The following BRAF variants were observed in gnomAD, a reference collection of about 807,000 sequenced individuals.
BRAF encodes B-Raf proto-oncogene, serine/threonine kinase.
A neutral mutation model predicts 104.6 loss-of-function variants in BRAF; 16 were observed. The observed-to-expected ratio is 0.15, with a 90% CI of 0.10 to 0.23. The LOEUF is 0.23. Ranked by LOEUF, BRAF falls within the 10% of genes least tolerant of loss-of-function variation. BRAF has a pLI of 1.00. For synonymous variants in BRAF, 310 were observed against 341.6 expected, an observed-to-expected ratio of 0.91 and a Z score of 1.02; for missense variants, 541 against 937.3, an observed-to-expected ratio of 0.58 and a Z score of 5.52.
chr7:140,884,679 C>A (rs1395063917), intron 1 of BRAF, among the ~76,000 whole-genome samples: 1 of 151,800 alleles, frequency 6.6e-6, no homozygotes, highest in Admixed American at 6.6e-5. Flanking sequence ...TAGGGTCTTG[C>A]TATGTTGGAT....
intron 14 of BRAF, among the ~76,000 whole-genome samples, chr7:140,764,965 A>G (rs578216760): frequency 6.7e-4 from 102 of 152,316 alleles, no homozygotes; most frequent in African/African-American, 2.4e-3. Flanking sequence ...GTTCATATGG[A>G]ACCAAAAAAG....
Position 140,726,466 on chromosome 7 carries a change from A to T in BRAF, c.*28T>A. ...ATTGTACGAACACAAGACTTAAGAAATAAGAGCAGATGCTGCCATGATGGT... is the reference window on the plus strand; with the variant it reads ...ATTGTACGAACACAAGACTTAAGAATTAAGAGCAGATGCTGCCATGATGGT... On this transcript the variant is annotated 3_prime_UTR_variant, in exon 20 of 20. Coordinates refer to ENST00000644969, the MANE Select transcript of BRAF (RefSeq NM_001374258.1). 1 of 1,536,328 alleles carries T rather than the reference A, an allele frequency of 6.5e-7. No individual in the cohort carries two copies. Among genetic ancestry groups the T allele is most frequent in the Non-Finnish European group, 8.7e-7 (1 of 1,146,950 alleles).
At chr7:140,762,318 A>G (rs1032553931) in intron 14 of BRAF, among the ~76,000 whole-genome samples, 2 of 152,230 alleles carry the variant, frequency 1.3e-5, no homozygotes, top group African/African-American at 4.8e-5. Context: ...GAAGGCAGAA[A>G]TAAAGATGTT....
Position 140,924,421 on chromosome 7 carries a change from G to T in BRAF, c.138+145C>A. Reference sequence around the variant, plus strand: ...CTGCATGACGGAGAGGGACACGGGGGCGATGCCCACCTCCCAGCCCGCGGA... The same window carrying T: ...CTGCATGACGGAGAGGGACACGGGGTCGATGCCCACCTCCCAGCCCGCGGA... On this transcript the variant is annotated intron_variant, in intron 1 of 19. Transcript: ENST00000644969. The surrounding 1 kb of genome is among the most constrained non-coding windows in gnomAD (Gnocchi z 4.2). 1.6e-6 allele frequency: 2 copies of T among 1,212,278 alleles called. No homozygotes were observed. The highest frequency in any genetic ancestry group is 2.3e-6 in the Non-Finnish European group (2 of 866,314). 75.1% of individuals were successfully genotyped at this position (1,212,278 alleles called of 1,614,324 possible). A position where few individuals can be genotyped will look rare whatever the true frequency, so the allele number is the denominator to read the frequency against.
intron 1 of BRAF, among the ~76,000 whole-genome samples, chr7:140,923,214 G>A (rs1267347487): frequency 6.6e-6 from 1 of 151,950 alleles, no homozygotes; most frequent in East Asian, 1.9e-4. Context: ...ATTGCAGAGA[G>A]AATGAGATGT....
chr7:140,825,201 C>T (rs1330964113), intron 3 of BRAF, among the ~76,000 whole-genome samples: 2 of 151,980 alleles, frequency 1.3e-5, no homozygotes, highest in African/African-American at 4.8e-5. Flanking sequence ...AACTCCCGAC[C>T]TCATGATCCA....
At position 140,736,874 on chromosome 7, in the gene BRAF, A is replaced by AACC. The variant is rs907655179; in HGVS notation, c.2248-2107_2248-2105dup. Among the ~76,000 whole-genome samples the AACC allele has an allele frequency of 4.7e-4, 72 of 151,782 alleles. 1 individual carries two copies. Among genetic ancestry groups the AACC allele is most frequent in the African/African-American group, 1.1e-3 (45 of 41,450 alleles). On this transcript the variant is annotated intron_variant, in intron 18 of 19. Coordinates refer to ENST00000644969, the MANE Select transcript of BRAF (RefSeq NM_001374258.1). The stretch of plus-strand genomic sequence containing the variant: ...CAACATAGTGAGAATCTATCTCTAC[A>AACC]ACCACCACCACCACCACCACAAGAA...
chr7:140,720,063 C>G lies in BRAF; in HGVS notation c.*6431G>C, dbSNP rs1322752593. 1.4e-5 allele frequency: 15 copies of G among 1,060,784 alleles called. No individual in the cohort carries two copies. In the East Asian group the frequency reaches 6.7e-4, roughly 47 times the overall value. 65.7% of individuals were successfully genotyped at this position (1,060,784 alleles called of 1,614,324 possible). A position where few individuals can be genotyped will look rare whatever the true frequency, so the allele number is the denominator to read the frequency against. On this transcript the variant is annotated 3_prime_UTR_variant, in exon 20 of 20. Coordinates refer to ENST00000644969, the MANE Select transcript of BRAF (RefSeq NM_001374258.1). ...AAGGGGGGATTTCCTTTTTCTTGGT[C>G]TAAACCAAAGAGCAATGACAACTAC...
chr7:140,804,781 T>G (rs1315374432), intron 5 of BRAF, among the ~76,000 whole-genome samples: 4 of 152,140 alleles, frequency 2.6e-5, no homozygotes, highest in Admixed American at 1.3e-4. Flanking sequence ...TTAAATAGAT[T>G]TCAACATCAA....
chr7:140,750,690 T>C (rs1797716762), intron 16 of BRAF, among the ~76,000 whole-genome samples: 1 of 152,234 alleles, frequency 6.6e-6, no homozygotes, highest in Admixed American at 6.5e-5. Flanking sequence ...AACTGTGATG[T>C]AATAAGCAAG....
At chr7:140,796,367 C>T (rs1359014313) in intron 7 of BRAF, among the ~76,000 whole-genome samples, 3 of 147,248 alleles carry the variant, frequency 2.0e-5, no homozygotes, top group Non-Finnish European at 4.5e-5. Flanking sequence ...AAAAAAAAGG[C>T]TTAAAATTGG....
At chr7:140,734,451 T>C in intron 19 of BRAF, 1 of 1,550,008 alleles carries the variant, frequency 6.5e-7, no homozygotes, top group Non-Finnish European at 8.6e-7. Flanking sequence ...TGGGGAAAAA[T>C]TATATCTAGT....
intron 1 of BRAF, among the ~76,000 whole-genome samples, chr7:140,907,889 T>G (rs769357644): frequency 3.3e-5 from 5 of 152,070 alleles, no homozygotes; most frequent in Non-Finnish European, 7.4e-5. Context: ...GGATTACAGG[T>G]GCACCTCACC....
At chr7:140,768,002 T>C (rs1451124734) in intron 14 of BRAF, among the ~76,000 whole-genome samples, 3 of 152,190 alleles carry the variant, frequency 2.0e-5, no homozygotes, top group Non-Finnish European at 4.4e-5. Context: ...GTTAACAGTA[T>C]GTAGCAGAGC....
At chr7:140,744,539 T>C (rs1297085302) in intron 17 of BRAF, among the ~76,000 whole-genome samples, 1 of 152,268 alleles carries the variant, frequency 6.6e-6, no homozygotes, top group African/African-American at 2.4e-5. Context: ...TTAACAAACC[T>C]GAAGCTGGTC....
intron 1 of BRAF, among the ~76,000 whole-genome samples, chr7:140,883,398 T>C (rs1423793907): frequency 6.6e-6 from 1 of 152,236 alleles, no homozygotes; most frequent in Non-Finnish European, 1.5e-5. Context: ...CTTTAATCTG[T>C]CGTATATAAC....
chr7:140,858,242 A>G (rs1276185494), intron 1 of BRAF, among the ~76,000 whole-genome samples: 1 of 152,222 alleles, frequency 6.6e-6, no homozygotes, highest in African/African-American at 2.4e-5. Flanking sequence ...ATGCCTCTTG[A>G]TGTGATACAA....
Position 140,825,031 on chromosome 7 carries a change from C to T in BRAF, c.504+9578G>A, listed in dbSNP as rs559660185. ...TGTTGCCCAGGCTGGAGTGCAGTGGCGCAATCTCGGCTCACTGCAACCTCT... is the reference window on the plus strand; with the variant it reads ...TGTTGCCCAGGCTGGAGTGCAGTGGTGCAATCTCGGCTCACTGCAACCTCT... On this transcript the variant is annotated intron_variant, in intron 3 of 19. Transcript: ENST00000644969. 4.0e-5 allele frequency among the ~76,000 whole-genome samples: 6 copies of T among 149,074 alleles called. No homozygotes were observed. The South Asian group carries it at 8.5e-4, about 21-fold the overall frequency.
chr7:140,883,756 G>C lies in BRAF; in HGVS notation c.139-33544C>G, dbSNP rs144590669. Among the ~76,000 whole-genome samples, 496 of 152,244 alleles carry C rather than the reference G, an allele frequency of 3.3e-3. 3 individuals carry two copies. The highest frequency in any genetic ancestry group is 0.011 in the African/African-American group (475 of 41,548). On this transcript the variant is annotated intron_variant, in intron 1 of 19. Coordinates refer to ENST00000644969, the MANE Select transcript of BRAF (RefSeq NM_001374258.1). ...CTGAAACTAACCCCAGTATGTATGT[G>C]CTGTGTATATAAAATAAAAAGAATT...
Sources: allele counts gnomAD v4.1 joint callset (sites outside exome capture counted in the v4.1 genomes callset), GRCh38; gene constraint gnomAD v4.1.1; non-coding constraint Gnocchi (gnomAD v3.1); transcripts MANE v1.5; gene names NCBI Gene and HGNC (gene_info 2026-07-23, HGNC 2026-07-21).